The following OR51B5 variants were observed in gnomAD, a reference collection of about 807,000 sequenced individuals.
The protein encoded by OR51B5 is olfactory receptor family 51 subfamily B member 5.
For synonymous variants in OR51B5, 186 were observed against 144.8 expected (o/e 1.28, Z -2.04); for missense variants, 456 against 374.6 (o/e 1.22, Z -1.79).
Position 5,393,723 on chromosome 11 carries a change from C to T in OR51B5, n.85-46813G>A, listed in dbSNP as rs548219550. 3.3e-5 allele frequency among the ~76,000 whole-genome samples: 5 copies of T among 152,212 alleles called. No individual in the cohort carries two copies. In the South Asian group the frequency reaches 1.0e-3, roughly 32 times the overall value. ...TTTACATTATTTCATTTAATTTTCT[C>T]ACCAAACCTGTGAAGTAGGGAGGTA... On this transcript the variant is annotated intron_variant and non_coding_transcript_variant, in intron 1 of 4. Coordinates refer to the OR51B5 transcript ENST00000415970.
rs181582665 is a variant in OR51B5, at chr11:5,410,116, A to G, written n.85-63206T>C. 4.1e-3 allele frequency among the ~76,000 whole-genome samples: 626 copies of G among 152,290 alleles called. 5 individuals are homozygous for G. Among genetic ancestry groups the G allele is most frequent in the African/African-American group, 0.014 (602 of 41,572 alleles). On this transcript the variant is annotated intron_variant and non_coding_transcript_variant, in intron 1 of 4. Transcript: ENST00000415970. ...TATTTGTTAGCAGCAAACCTGCGTT[A>G]TATCAAATAAGTTCTTTAGTCAAAA...
chr11:5,483,554 T>A (rs1311540682), intron 1 of OR51B5, among the ~76,000 whole-genome samples: 11 of 132,724 alleles, frequency 8.3e-5, no homozygotes, highest in East Asian at 2.2e-4. Context: ...AAAGTACAGC[T>A]AAAAAAAAAA....
chr11:5,385,730 C>T (rs535205383), intron 1 of OR51B5, among the ~76,000 whole-genome samples: 1 of 115,604 alleles, frequency 8.7e-6, no homozygotes, highest in Non-Finnish European at 2.1e-5. Context: ...GTACAAATAT[C>T]TAATATTTTT....
At chr11:5,382,553 T>C (rs1255021916) in intron 1 of OR51B5, among the ~76,000 whole-genome samples, 2 of 152,198 alleles carry the variant, frequency 1.3e-5, no homozygotes, top group African/African-American at 4.8e-5. Context: ...TTGGCTAGGA[T>C]CCCAGTGAAA....
chr11:5,353,225 G>T (rs1564917169), intron 1 of OR51B5, among the ~76,000 whole-genome samples: 1 of 152,096 alleles, frequency 6.6e-6, no homozygotes, highest in South Asian at 2.1e-4. Context: ...TATGAGAAAT[G>T]TGTTCAGTTA....
chr11:5,420,198 A>T (rs1850310196), intron 1 of OR51B5, among the ~76,000 whole-genome samples: 1 of 152,026 alleles, frequency 6.6e-6, no homozygotes, highest in Non-Finnish European at 1.5e-5. Flanking sequence ...TTACTGAATT[A>T]AAGTGGCATC....
chr11:5,389,594 C>T lies in OR51B5; in HGVS notation n.85-42684G>A, dbSNP rs1455584006. ...TCTGATCATTATTAAGACCAACCCT[C>T]GTCTGCACACACCCATGTACTATCT... On this transcript the variant is annotated intron_variant and non_coding_transcript_variant, in intron 1 of 4. Coordinates refer to the OR51B5 transcript ENST00000415970. 5.6e-6 allele frequency: 9 copies of T among 1,613,902 alleles called. No homozygotes were observed. Among genetic ancestry groups the T allele is most frequent in the East Asian group, 2.2e-5 (1 of 44,894 alleles).
intron 1 of OR51B5, among the ~76,000 whole-genome samples, chr11:5,491,214 T>C (rs1251294670): frequency 6.6e-6 from 1 of 152,254 alleles, no homozygotes; most frequent in Admixed American, 6.5e-5. Flanking sequence ...AGTAATTTGA[T>C]TCTTGTTTAT....
At chr11:5,452,589 T>TAAGAGATATGG (rs1554893303) in intron 1 of OR51B5, among the ~76,000 whole-genome samples, 5 of 78,244 alleles carry the variant, frequency 6.4e-5, no homozygotes, top group Admixed American at 1.3e-4. Flanking sequence ...AGAGCGACTT[T>TAAGAGATATGG]ACGAGATATG....
intron 1 of OR51B5, among the ~76,000 whole-genome samples, chr11:5,367,872 T>A (rs2647610): frequency 0.33 from 49,686 of 152,102 alleles, 8,849 homozygotes; most frequent in Non-Finnish European, 0.4. Context: ...ACTTGTGCTT[T>A]CTGCCTATAT....
chr11:5,393,276 C>T (rs943759306), intron 1 of OR51B5: 3 of 151,978 alleles, frequency 2.0e-5, no homozygotes, highest in African/African-American at 7.3e-5. Context: ...TGTAAGCATA[C>T]AAAATGTCTA....
chr11:5,446,763 T>G (rs1850769740), intron 1 of OR51B5, among the ~76,000 whole-genome samples: 2 of 152,174 alleles, frequency 1.3e-5, no homozygotes, highest in Non-Finnish European at 2.9e-5. Flanking sequence ...GGACTCTCTG[T>G]CCAGTGGATG....
intron 1 of OR51B5, among the ~76,000 whole-genome samples, chr11:5,374,078 C>G (rs1429964906): frequency 6.6e-6 from 1 of 152,096 alleles, no homozygotes; most frequent in African/African-American, 2.4e-5. Flanking sequence ...TGGGAGGCAC[C>G]CCCAAGTAAG....
At chr11:5,460,587 A>G (rs1851035403) in intron 1 of OR51B5, among the ~76,000 whole-genome samples, 1 of 134,170 alleles carries the variant, frequency 7.5e-6, no homozygotes, top group Admixed American at 7.9e-5. Flanking sequence ...CATTTTAGCC[A>G]TTTCAATCAG....
chr11:5,484,995 TAC>T (rs1851479354), intron 1 of OR51B5, among the ~76,000 whole-genome samples: 1 of 152,232 alleles, frequency 6.6e-6, no homozygotes, highest in African/African-American at 2.4e-5. Flanking sequence ...ACTGGCATTA[TAC>T]AGATTGGCTA....
chr11:5,498,033 C>A (rs1851674603), intron 1 of OR51B5, among the ~76,000 whole-genome samples: 3 of 152,196 alleles, frequency 2.0e-5, no homozygotes, highest in Admixed American at 1.3e-4. Context: ...CCACTCCCAC[C>A]TGCCCATTAT....
intron 1 of OR51B5, among the ~76,000 whole-genome samples, chr11:5,371,248 C>G (rs1424537864): frequency 6.6e-6 from 1 of 152,118 alleles, no homozygotes; most frequent in African/African-American, 2.4e-5. Flanking sequence ...AGCACCTTTC[C>G]CCGGATCTAG....
intron 1 of OR51B5, chr11:5,455,414 A>C (rs1312176365): frequency 6.6e-6 from 1 of 151,940 alleles, no homozygotes; most frequent in Non-Finnish European, 1.5e-5. Flanking sequence ...ACCAGAAAAT[A>C]ATTCTTTCAG....
intron 1 of OR51B5, among the ~76,000 whole-genome samples, chr11:5,479,575 TAA>T (rs1461501330): frequency 5.3e-5 from 8 of 151,384 alleles, no homozygotes; most frequent in Non-Finnish European, 1.0e-4. Context: ...GCAAATTGGA[TAA>T]AGAGTCAAGA....
Sources: gnomAD v4.1 joint callset for allele counts (sites outside exome capture counted in the v4.1 genomes callset) on GRCh38, gnomAD v4.1.1 for gene constraint, MANE v1.5 for transcripts, NCBI Gene and HGNC (gene_info 2026-07-23, HGNC 2026-07-21) for gene names.